The following SNX9 variants were observed in gnomAD, a reference collection of about 807,000 sequenced individuals.
SNX9 encodes sorting nexin-9.
Under a neutral mutation model 89.4 loss-of-function variants are expected in SNX9, and 44 were observed. That is an observed-to-expected ratio of 0.49 (90% CI 0.39 to 0.63). SNX9 has a LOEUF of 0.63. Among genes scored for constraint, SNX9 ranks in the 30% least tolerant of loss-of-function variants. The pLI, the probability that SNX9 is intolerant of heterozygous loss-of-function variation, is 0.00. For missense variants in SNX9, 578 were observed against 736.1 expected (o/e 0.79, Z 2.49); for synonymous variants, 236 against 247.8 (o/e 0.95, Z 0.45).
intron 10 of SNX9, 66 bp from the exon 11 acceptor site, chr6:157,927,045 T>C (rs990770202): frequency 2.1e-5 from 26 of 1,241,940 alleles, no homozygotes; most frequent in African/African-American, 4.4e-5. Flanking sequence ...CTGGTCCTGT[T>C]TGGGAATTTT....
At chr6:157,883,614 C>T (rs1000031442) in intron 4 of SNX9, among the ~76,000 whole-genome samples, 3 of 152,122 alleles carry the variant, frequency 2.0e-5, no homozygotes, top group African/African-American at 7.2e-5. Flanking sequence ...CCATCATCAC[C>T]TTATCTTTAA....
At chr6:157,879,297 A>G (rs940126465) in intron 4 of SNX9, among the ~76,000 whole-genome samples, 12 of 152,250 alleles carry the variant, frequency 7.9e-5, no homozygotes, top group South Asian at 4.1e-4. Flanking sequence ...GCAGCCACGC[A>G]GTGGAAAGCT....
Position 157,941,918 on chromosome 6 carries a change from C to T in SNX9, c.1741-873C>T, listed in dbSNP as rs16900523. Among the ~76,000 whole-genome samples the T allele has an allele frequency of 6.7e-3, 1,013 of 152,278 alleles. 12 individuals carry two copies. Among genetic ancestry groups the T allele is most frequent in the African/African-American group, 0.023 (970 of 41,558 alleles). Reference sequence around the variant, plus strand: ...ATGCTCTTTAAATGCACACTTTTCCCGTCAGTTGGTGCCATTGTGGATTTG... The same window carrying T: ...ATGCTCTTTAAATGCACACTTTTCCTGTCAGTTGGTGCCATTGTGGATTTG... On this transcript the variant is annotated intron_variant, in intron 17 of 17. Transcript: ENST00000392185.
chr6:157,826,878 A>ATT (rs1212964349), intron 1 of SNX9, among the ~76,000 whole-genome samples: 21 of 99,420 alleles, frequency 2.1e-4, no homozygotes, highest in African/African-American at 9.4e-4. Flanking sequence ...TAGTTTATAT[A>ATT]ATATATAAAT....
rs1783732858 is a variant in SNX9 at position 157,928,050 on chromosome 6, G to GT, written c.1185-546dup. Among the ~76,000 whole-genome samples, 4 of 152,102 alleles carry GT rather than the reference G, an allele frequency of 2.6e-5. 1 individual carries two copies. The South Asian group carries it at 8.3e-4, about 32-fold the overall frequency. On this transcript the variant is annotated intron_variant, in intron 11 of 17. Coordinates refer to ENST00000392185, the MANE Select transcript of SNX9 (RefSeq NM_016224.5). ...TACGTATGTAATTATAGGAAAGATT[G>GT]TTTAAACAAAAATGACCTCACACTA...
Position 157,905,384 on chromosome 6 carries a change from T to C in SNX9, c.621-744T>C, listed in dbSNP as rs187758883. On this transcript the variant is annotated intron_variant, in intron 6 of 17. Transcript: ENST00000392185. ...TTTCTTCTGTTTACTAAAAGAAAAA[T>C]TCTAAAACCCAAATTAATCTTGTCT... Among the ~76,000 whole-genome samples the C allele has an allele frequency of 2.0e-5, 3 of 152,324 alleles. No individual in the cohort carries two copies. The East Asian group carries it at 5.8e-4, about 29-fold the overall frequency.
intron 1 of SNX9, among the ~76,000 whole-genome samples, chr6:157,841,487 A>G (rs1781701947): frequency 6.6e-6 from 1 of 152,120 alleles, no homozygotes; most frequent in Admixed American, 6.5e-5. Context: ...ATGGGCCTTC[A>G]TGGGGTCCAA....
intron 1 of SNX9, among the ~76,000 whole-genome samples, chr6:157,834,110 C>G (rs71563723): frequency 2.4e-5 from 3 of 122,458 alleles, no homozygotes; most frequent in South Asian, 2.8e-4. Flanking sequence ...AGGGCTTGAT[C>G]TGATCGGATT....
intron 5 of SNX9, among the ~76,000 whole-genome samples, chr6:157,899,042 G>T (rs1228251028): frequency 6.6e-6 from 1 of 152,116 alleles, no homozygotes; most frequent in Admixed American, 6.5e-5. Context: ...CACTCAGGCC[G>T]TTAGAGTAGG....
rs1225572456 is a variant in SNX9, at chr6:157,928,726, C to T, written c.1288+24C>T. 2.6e-6 allele frequency: 4 copies of T among 1,540,138 alleles called. No homozygotes were observed. The South Asian group carries it at 3.7e-5, about 14-fold the overall frequency. ...CCGTAAGTCCACTCCTCACAGTGCACTGGGCTCGTAGGGGGTGATGCAGGC... is the reference window on the plus strand; with the variant it reads ...CCGTAAGTCCACTCCTCACAGTGCATTGGGCTCGTAGGGGGTGATGCAGGC... On this transcript the variant is annotated intron_variant, in intron 12 of 17. Coordinates refer to ENST00000392185, the MANE Select transcript of SNX9 (RefSeq NM_016224.5).
At chr6:157,898,930 G>A (rs1383045292) in intron 5 of SNX9, among the ~76,000 whole-genome samples, 1 of 152,120 alleles carries the variant, frequency 6.6e-6, no homozygotes, top group Non-Finnish European at 1.5e-5. Flanking sequence ...CTGGCTCTCT[G>A]GTCACTTGGC....
intron 7 of SNX9, among the ~76,000 whole-genome samples, chr6:157,908,972 C>T (rs1301210016): frequency 5.3e-5 from 8 of 152,214 alleles, no homozygotes; most frequent in Non-Finnish European, 1.0e-4. Context: ...AGTGAGCCAG[C>T]CCACTGTGCT....
intron 10 of SNX9, among the ~76,000 whole-genome samples, chr6:157,925,239 A>T (rs1397772111): frequency 6.6e-6 from 1 of 152,170 alleles, no homozygotes; most frequent in Non-Finnish European, 1.5e-5. Flanking sequence ...TCAACAACAG[A>T]TGTGTAGAAA....
chr6:157,867,456 A>C, intron 1 of SNX9, 91 bp from the exon 2 acceptor site: 7 of 939,652 alleles, frequency 7.4e-6, no homozygotes, highest in Non-Finnish European at 1.2e-5. Flanking sequence ...TGTTTGTACC[A>C]GCATGCTTAG....
intron 1 of SNX9, among the ~76,000 whole-genome samples, chr6:157,848,532 C>T (rs1781846412): frequency 6.6e-6 from 1 of 152,172 alleles, no homozygotes; most frequent in South Asian, 2.1e-4. Flanking sequence ...GGCAGTAAAC[C>T]TAGATGAAGT....
At position 157,938,614 on chromosome 6, in the gene SNX9, T is replaced by C; in HGVS notation, c.1534-19T>C. ...ATCATTTCAGCTTTATTCATACTGTTGCATTTTATATTTCACAGGGAGCAA... is the reference window on the plus strand; with the variant it reads ...ATCATTTCAGCTTTATTCATACTGTCGCATTTTATATTTCACAGGGAGCAA... On this transcript the variant is annotated intron_variant, in intron 15 of 17. Transcript: ENST00000392185. 6.6e-7 allele frequency: 1 copy of C among 1,513,022 alleles called. No individual in the cohort carries two copies. The highest frequency in any genetic ancestry group is 9.2e-7 in the Non-Finnish European group (1 of 1,088,880). 93.7% of individuals were successfully genotyped at this position (1,513,022 alleles called of 1,614,324 possible).
At chr6:157,854,987 A>T (rs1781981718) in intron 1 of SNX9, among the ~76,000 whole-genome samples, 1 of 150,946 alleles carries the variant, frequency 6.6e-6, no homozygotes, top group Non-Finnish European at 1.5e-5. Flanking sequence ...ACACTACAAA[A>T]GGGCAAAAAA....
intron 7 of SNX9, among the ~76,000 whole-genome samples, chr6:157,908,500 A>G (rs1783265390): frequency 6.6e-6 from 1 of 152,210 alleles, no homozygotes; most frequent in African/African-American, 2.4e-5. Flanking sequence ...CTGCAGTCTG[A>G]ACCTCTAGAA....
chr6:157,908,951 C>A (rs1176146361), intron 7 of SNX9, among the ~76,000 whole-genome samples: 1 of 152,168 alleles, frequency 6.6e-6, no homozygotes, highest in Non-Finnish European at 1.5e-5. Context: ...ACGTGATACC[C>A]GGGGGTTGGA....
Sources: gnomAD v4.1 joint callset for allele counts (sites outside exome capture counted in the v4.1 genomes callset) on GRCh38, gnomAD v4.1.1 for gene constraint, MANE v1.5 for transcripts, NCBI Gene and HGNC (gene_info 2026-07-23, HGNC 2026-07-21) for gene names.